Variants in PPP1R14C observed in about 807,000 individuals in gnomAD.
PPP1R14C encodes the protein protein phosphatase 1 regulatory subunit 14C.
A neutral mutation model predicts 20.4 loss-of-function variants in PPP1R14C; 16 were observed. The observed-to-expected ratio is 0.78, with a 90% CI of 0.53 to 1.19. PPP1R14C has a LOEUF of 1.19. PPP1R14C is among the 50% of genes most tolerant of loss of function. The pLI is 0.00. For missense variants in PPP1R14C, 211 were observed against 220.1 expected (o/e 0.96, Z 0.26); for synonymous variants, 91 against 91.0 (o/e 1.00, Z 0.00).
chr6:150,184,650 G>A lies in PPP1R14C; in HGVS notation c.307-30094G>A, dbSNP rs116410545. The stretch of plus-strand genomic sequence containing the variant: ...TTGGACTTCTCTCTGCCAAAAATGC[G>A]GACAAGTGGCCTCTCTTTTGCCCTC... On this transcript the variant is annotated intron_variant, in intron 1 of 3. Transcript: ENST00000361131. Among the ~76,000 whole-genome samples the A allele has an allele frequency of 7.5e-3, 1,134 of 151,954 alleles. 12 individuals carry two copies. The highest frequency in any genetic ancestry group is 0.026 in the African/African-American group (1,088 of 41,412).
At chr6:150,166,328 C>T (rs1777422261) in intron 1 of PPP1R14C, among the ~76,000 whole-genome samples, 1 of 152,132 alleles carries the variant, frequency 6.6e-6, no homozygotes, top group South Asian at 2.1e-4. Flanking sequence ...GATCTACCCG[C>T]CTCGGCCTCC....
intron 1 of PPP1R14C, among the ~76,000 whole-genome samples, chr6:150,161,380 T>G (rs1181082055): frequency 6.6e-6 from 1 of 152,208 alleles, no homozygotes; most frequent in East Asian, 1.9e-4. Flanking sequence ...ATCTCTCACA[T>G]GACAGCAAGA....
At position 150,152,408 on chromosome 6, in the gene PPP1R14C, T is replaced by C. The variant is rs562881966; in HGVS notation, c.306+8910T>C. Among the ~76,000 whole-genome samples the C allele has an allele frequency of 9.7e-4, 147 of 152,252 alleles. 1 individual carries two copies. Among genetic ancestry groups the C allele is most frequent in the African/African-American group, 3.4e-3 (143 of 41,558 alleles). Reference sequence around the variant, plus strand: ...TTTCTAAAATCCAGGTGGGATCTTGTTCCGCACAGCCTTCAGGATAAAGCA... The same window carrying C: ...TTTCTAAAATCCAGGTGGGATCTTGCTCCGCACAGCCTTCAGGATAAAGCA... On this transcript the variant is annotated intron_variant, in intron 1 of 3. Transcript: ENST00000361131.
chr6:150,214,834 A>C lies in PPP1R14C; in HGVS notation c.390+7A>C. The C allele has an allele frequency of 1.2e-6, 2 of 1,602,496 alleles. No homozygotes were observed. Among genetic ancestry groups the C allele is most frequent in the African/African-American group, 2.7e-5 (2 of 74,554 alleles). On this transcript the variant is annotated splice_region_variant and intron_variant, in intron 2 of 3. Transcript: ENST00000361131. ...GAGAGCTTCAAAATTACAGGTAAGC[A>C]GTTTCCAAAATTGAGAACCTTCTAA... is the stretch of plus-strand genomic sequence containing the variant.
Position 150,143,563 on chromosome 6 carries a change from T to G in PPP1R14C, c.306+65T>G, listed in dbSNP as rs1016708311. 12 of 1,208,926 alleles carry G rather than the reference T, an allele frequency of 9.9e-6. No individual in the cohort carries two copies. The highest frequency in any genetic ancestry group is 1.4e-5 in the Non-Finnish European group (12 of 869,648). 74.9% of individuals were successfully genotyped at this position (1,208,926 alleles called of 1,614,324 possible). A position where few individuals can be genotyped will look rare whatever the true frequency, so the allele number is the denominator to read the frequency against. On this transcript the variant is annotated intron_variant, in intron 1 of 3. Coordinates refer to ENST00000361131, the MANE Select transcript of PPP1R14C (RefSeq NM_030949.3). The surrounding 1 kb of genome is among the most constrained non-coding windows in gnomAD (Gnocchi z 5.6). ...AGCTCCTCTGTGCCCGCGCAGTAAT[T>G]TTCCCGGGCTCCAGCTCCGGGGCGC...
intron 1 of PPP1R14C, among the ~76,000 whole-genome samples, chr6:150,208,312 C>G (rs1017759043): frequency 3.3e-5 from 5 of 152,154 alleles, no homozygotes; most frequent in Non-Finnish European, 7.3e-5. Flanking sequence ...GGGAAACCCA[C>G]TGACATTAAT....
At chr6:150,213,583 G>T (rs898885585) in intron 1 of PPP1R14C, among the ~76,000 whole-genome samples, 1 of 152,222 alleles carries the variant, frequency 6.6e-6, no homozygotes, top group Non-Finnish European at 1.5e-5. Context: ...AGCCATCCCT[G>T]TGGCTGGAAG....
At chr6:150,214,443 C>T (rs1466501015) in intron 1 of PPP1R14C, among the ~76,000 whole-genome samples, 1 of 152,090 alleles carries the variant, frequency 6.6e-6, no homozygotes, top group African/African-American at 2.4e-5. Context: ...TCCCCCTCCT[C>T]CTTCTCTTCT....
At chr6:150,221,790 A>T (rs7747964) in intron 3 of PPP1R14C, among the ~76,000 whole-genome samples, 17,857 of 152,036 alleles carry the variant, frequency 0.12, 1,981 homozygotes, top group African/African-American at 0.29. Context: ...GATAATTTTT[A>T]AAATTTATTT....
intron 3 of PPP1R14C, among the ~76,000 whole-genome samples, chr6:150,234,822 C>G (rs1778337458): frequency 7.7e-6 from 1 of 129,530 alleles, no homozygotes; most frequent in Non-Finnish European, 1.5e-5. Context: ...GAACTCCAAC[C>G]TGGGCGACAA....
At chr6:150,176,966 C>T (rs190565405) in intron 1 of PPP1R14C, among the ~76,000 whole-genome samples, 2 of 152,324 alleles carry the variant, frequency 1.3e-5, no homozygotes, top group East Asian at 1.9e-4. Flanking sequence ...CCGGCCTCCC[C>T]CTGTGTGTCT....
At chr6:150,205,185 G>T (rs1474476676) in intron 1 of PPP1R14C, among the ~76,000 whole-genome samples, 1 of 152,018 alleles carries the variant, frequency 6.6e-6, no homozygotes, top group East Asian at 1.9e-4. Flanking sequence ...TGGTGGGTGG[G>T]TTCAGGACCT....
chr6:150,178,380 G>T (rs958237992), intron 1 of PPP1R14C, among the ~76,000 whole-genome samples: 2 of 152,240 alleles, frequency 1.3e-5, no homozygotes, highest in Non-Finnish European at 2.9e-5. Context: ...TCTGTGGGCC[G>T]ACCAAGGAGC....
At chr6:150,159,158 C>T (rs556824115) in intron 1 of PPP1R14C, among the ~76,000 whole-genome samples, 43 of 152,302 alleles carry the variant, frequency 2.8e-4, no homozygotes, top group Non-Finnish European at 3.7e-4. Context: ...CTGACTTCTC[C>T]GGTATCATCA....
intron 1 of PPP1R14C, among the ~76,000 whole-genome samples, chr6:150,162,816 C>T (rs1230572175): frequency 6.6e-6 from 1 of 152,140 alleles, no homozygotes; most frequent in Non-Finnish European, 1.5e-5. Context: ...GGCTTCAGCT[C>T]ACGAGTAGTG....
intron 1 of PPP1R14C, among the ~76,000 whole-genome samples, chr6:150,209,607 T>C (rs1422701471): frequency 2.0e-5 from 3 of 151,544 alleles, no homozygotes; most frequent in Non-Finnish European, 4.4e-5. Flanking sequence ...TGTGTATGCA[T>C]GTGAGTGGTG....
intron 3 of PPP1R14C, among the ~76,000 whole-genome samples, chr6:150,231,442 T>G (rs975184408): frequency 6.6e-6 from 1 of 152,224 alleles, no homozygotes. Context: ...GTCTGGAGCC[T>G]TCATAGTTCC....
At chr6:150,231,781 G>A (rs73779907) in intron 3 of PPP1R14C, among the ~76,000 whole-genome samples, 1,957 of 152,272 alleles carry the variant, frequency 0.013, 38 homozygotes, top group African/African-American at 0.044. Flanking sequence ...AACATTAGGT[G>A]TCGGACACTT....
intron 3 of PPP1R14C, among the ~76,000 whole-genome samples, chr6:150,234,410 A>C (rs1778329390): frequency 6.6e-6 from 1 of 151,054 alleles, no homozygotes; most frequent in South Asian, 2.1e-4. Flanking sequence ...AGAAACAAAC[A>C]ACAAAAAAAA....
Sources: allele counts gnomAD v4.1 joint callset (sites outside exome capture counted in the v4.1 genomes callset), GRCh38; gene constraint gnomAD v4.1.1; non-coding constraint Gnocchi (gnomAD v3.1); transcripts MANE v1.5; gene names NCBI Gene and HGNC (gene_info 2026-07-23, HGNC 2026-07-21).